Variants in PIEZO1 observed in about 807,000 individuals in gnomAD.
PIEZO1 encodes piezo-type mechanosensitive ion channel component 1.
In PIEZO1, 296 loss-of-function variants were observed where a neutral mutation model predicts 297.2. The observed-to-expected ratio is 1.00, with a 90% CI of 0.91 to 1.10. The LOEUF (loss-of-function observed/expected upper bound fraction) is 1.10. PIEZO1 is among the 50% of genes least tolerant of loss of function. The probability of loss-of-function intolerance (pLI) is 0.00; values close to 1 mark genes in which losing one functional copy is unlikely to be tolerated. For missense variants in PIEZO1, 5,018 were observed against 3,455.5 expected (o/e 1.45, Z -11.34); for synonymous variants, 2,427 against 1,507.5 (o/e 1.61, Z -14.13).
rs879783749 is a variant in PIEZO1, at chr16:88,749,953, G to A, written c.65-474C>T. Among the ~76,000 whole-genome samples the A allele has an allele frequency of 1.1e-4, 16 of 152,088 alleles. 1 individual carries two copies. The South Asian group carries it at 1.2e-3, about 12-fold the overall frequency. ...TGAGGCAGAAGAATTGCTTGAAACC[G>A]GGAGGCGGAGGTTACACTGAGATGG... is the stretch of plus-strand genomic sequence containing the variant. On this transcript the variant is annotated intron_variant, in intron 1 of 50. Transcript: ENST00000301015.
intron 1 of PIEZO1, among the ~76,000 whole-genome samples, chr16:88,761,037 C>T (rs1460617329): frequency 6.6e-6 from 1 of 152,210 alleles, no homozygotes; most frequent in Non-Finnish European, 1.5e-5. Context: ...GGACACCCTC[C>T]CGGACACACT....
intron 1 of PIEZO1, among the ~76,000 whole-genome samples, chr16:88,763,293 G>C (rs142097675): frequency 6.6e-6 from 1 of 152,206 alleles, no homozygotes; most frequent in African/African-American, 2.4e-5. Context: ...TGAACAGGGC[G>C]GCCCAAGGCA....
intron 1 of PIEZO1, among the ~76,000 whole-genome samples, chr16:88,778,558 G>T (rs1907778841): frequency 6.6e-6 from 1 of 152,192 alleles, no homozygotes; most frequent in Admixed American, 6.5e-5. Context: ...GGGTGGCCAC[G>T]CACGTCGGCC....
At chr16:88,748,147 C>G (rs1372767750) in intron 2 of PIEZO1, among the ~76,000 whole-genome samples, 1 of 152,230 alleles carries the variant, frequency 6.6e-6, no homozygotes, top group Non-Finnish European at 1.5e-5. Context: ...TACACTTGCC[C>G]TCCCTGGGGA....
chr16:88,781,917 T>C (rs991203593), intron 1 of PIEZO1, among the ~76,000 whole-genome samples: 6 of 152,236 alleles, frequency 3.9e-5, no homozygotes, highest in Admixed American at 3.9e-4. Flanking sequence ...TTGCCGGCCG[T>C]GGGTGTGCCC....
Position 88,738,743 on chromosome 16 carries a change from A to C in PIEZO1, c.466-7T>G, listed in dbSNP as rs1276166762. 6.6e-7 allele frequency: 1 copy of C among 1,526,470 alleles called. No homozygotes were observed. Among genetic ancestry groups the C allele is most frequent in the African/African-American group, 1.4e-5 (1 of 72,874 alleles). 94.6% of individuals were successfully genotyped at this position (1,526,470 alleles called of 1,614,324 possible). ...CATCCCTCTCATCATCATCCTGCCAAGGTCACGGACAGGGGCAAGGTCAGG... is the reference window on the plus strand; with the variant it reads ...CATCCCTCTCATCATCATCCTGCCACGGTCACGGACAGGGGCAAGGTCAGG... On this transcript the variant is annotated splice_region_variant and splice_polypyrimidine_tract_variant and intron_variant, in intron 5 of 50. Transcript: ENST00000301015.
In PIEZO1 at chr16:88,774,943, C is replaced by T. The variant is rs536818078; in HGVS notation, c.64+9958G>A. ...ACCAGTCAAAGGAAGGAAAAACAGG[C>T]GCAAAGATAGTGGCTATGTAACGAC... On this transcript the variant is annotated intron_variant, in intron 1 of 50. Coordinates refer to ENST00000301015, the MANE Select transcript of PIEZO1 (RefSeq NM_001142864.4). 4.6e-5 allele frequency among the ~76,000 whole-genome samples: 7 copies of T among 152,300 alleles called. No individual in the cohort carries two copies. The East Asian group carries it at 7.7e-4, about 17-fold the overall frequency.
chr16:88,766,851 C>T (rs926972500), intron 1 of PIEZO1, among the ~76,000 whole-genome samples: 9 of 152,226 alleles, frequency 5.9e-5, no homozygotes, highest in African/African-American at 2.2e-4. Flanking sequence ...CCACGAGGGC[C>T]GGGGCCACCC....
chr16:88,720,282 T>C lies in PIEZO1; in HGVS notation c.5951A>G (p.Lys1984Arg), dbSNP rs1452847280. The C allele has an allele frequency of 3.2e-6, 5 of 1,550,318 alleles. No homozygotes were observed. The highest frequency in any genetic ancestry group is 4.4e-6 in the Non-Finnish European group (5 of 1,146,924). Residue 1984 changes from lysine (K) to arginine (R), a missense_variant and splice_region_variant, in exon 42 of 51, where the codon AAG becomes AGG. Coordinates refer to ENST00000301015, the MANE Select transcript of PIEZO1 (RefSeq NM_001142864.4). Reference sequence around the variant, plus strand: ...CGTGATGTCTGTGGCCGCCGAGTGCTTCTGTGGCCAGGAGAGCACAGGTCA... The same window carrying C: ...CGTGATGTCTGTGGCCGCCGAGTGCCTCTGTGGCCAGGAGAGCACAGGTCA... Reference protein sequence around the residue: ...IIIFGFWAFGKHSAATDITSS... With the variant: ...IIIFGFWAFGRHSAATDITSS...
At position 88,734,495 on chromosome 16, in the gene PIEZO1, A is replaced by G; in HGVS notation, c.2041T>C (p.Phe681Leu). 1 of 1,549,034 alleles carries G rather than the reference A, an allele frequency of 6.5e-7. No homozygotes were observed. The highest frequency in any genetic ancestry group is 8.7e-7 in the Non-Finnish European group (1 of 1,146,306). The change falls in exon 16 of 51, where the codon TTC becomes CTC. Residue 681 changes from phenylalanine to leucine, a missense_variant. Physicochemically the swap from Phe to Leu is conservative, Grantham distance 22 (BLOSUM62 0). Transcript: ENST00000301015. ...AAGCCGGGCACCAGGATGCTGGAGA[A>G]GAGCTCGGACACGCTGAACTGCTCC... ...GLEQFSVSEL[F>L]SSILVPGFFL...
chr16:88,725,075 C>G lies in PIEZO1; in HGVS notation c.4168G>C (p.Asp1390His). 1.3e-6 allele frequency: 2 copies of G among 1,511,762 alleles called. No homozygotes were observed. Among genetic ancestry groups the G allele is most frequent in the South Asian group, 1.3e-5 (1 of 77,896 alleles). 93.6% of individuals were successfully genotyped at this position (1,511,762 alleles called of 1,614,324 possible). ...PKDPGLEPGP[D>H]SPGGSSPPRR... Reference sequence around the variant, plus strand: ...GGCGGGGAGGAGCCCCCTGGACTGTCGGGCCCTGTGGAGGGGCAGGGTGAG... The same window carrying G: ...GGCGGGGAGGAGCCCCCTGGACTGTGGGGCCCTGTGGAGGGGCAGGGTGAG... The change falls in exon 30 of 51, where the codon GAC becomes CAC. Residue 1390 changes from aspartate to histidine, a missense_variant. Transcript: ENST00000301015.
At chr16:88,751,891 G>A (rs1402703380) in intron 1 of PIEZO1, among the ~76,000 whole-genome samples, 3 of 152,184 alleles carry the variant, frequency 2.0e-5, no homozygotes, top group Admixed American at 2.0e-4. Context: ...GGAGCTCACG[G>A]TCTGACCTGC....
At chr16:88,747,786 G>C (rs1054677308) in intron 2 of PIEZO1, among the ~76,000 whole-genome samples, 2 of 152,216 alleles carry the variant, frequency 1.3e-5, no homozygotes, top group Non-Finnish European at 2.9e-5. Flanking sequence ...GGATTAGCCG[G>C]GGAGGCAGAT....
chr16:88,732,838 A>G (rs1904956421), intron 19 of PIEZO1, 106 bp from the exon 20 acceptor site: 1 of 1,157,922 alleles, frequency 8.6e-7, no homozygotes, highest in Non-Finnish European at 1.2e-6. Context: ...ACTGCTCCCC[A>G]GCCAGGGACA....
chr16:88,755,891 A>G (rs1906631070), intron 1 of PIEZO1, among the ~76,000 whole-genome samples: 1 of 152,260 alleles, frequency 6.6e-6, no homozygotes, highest in Admixed American at 6.5e-5. Context: ...GCAGATCCTG[A>G]CATGAGAAAC....
intron 22 of PIEZO1, among the ~76,000 whole-genome samples, chr16:88,728,237 C>G (rs535638205): frequency 6.6e-6 from 1 of 152,374 alleles, no homozygotes; most frequent in Admixed American, 6.5e-5. Context: ...GGGGAGGGAG[C>G]CGTGGCACTG....
chr16:88,724,972 C>G (rs1380750285), intron 30 of PIEZO1, 37 bp downstream of exon 30: 1 of 1,344,574 alleles, frequency 7.4e-7, no homozygotes, highest in African/African-American at 1.5e-5. Flanking sequence ...CACAGAGGGC[C>G]TGAGAGGGTG....
chr16:88,735,068 A>G lies in PIEZO1; in HGVS notation c.1670-15T>C. On this transcript the variant is annotated splice_polypyrimidine_tract_variant and intron_variant, in intron 13 of 50. Coordinates refer to ENST00000301015, the MANE Select transcript of PIEZO1 (RefSeq NM_001142864.4). ...CCGCGTGGGCTCTGTGGGCCAAGCC[A>G]GGGGCAGGCGATGGCATCAGGGCGG... The G allele has an allele frequency of 5.2e-6, 8 of 1,550,126 alleles. No homozygotes were observed. The highest frequency in any genetic ancestry group is 7.0e-6 in the Non-Finnish European group (8 of 1,146,794).
intron 21 of PIEZO1, 53 bp from the exon 22 acceptor site, chr16:88,731,963 A>ATGCACGGAGT: frequency 1.2e-4 from 1 of 8,468 alleles, no homozygotes. Context: ...GGGGGGAGGG[A>ATGCACGGAGT]CTTTCTTGTC....
Sources: gnomAD v4.1 joint callset for allele counts (sites outside exome capture counted in the v4.1 genomes callset) on GRCh38, gnomAD v4.1.1 for gene constraint, MANE v1.5 for transcripts, NCBI Gene and HGNC (gene_info 2026-07-23, HGNC 2026-07-21) for gene names.